EDIL3: variants seen among roughly 807,000 people sequenced by gnomAD.
The protein encoded by EDIL3 is EGF like and discoidin domains 3.
EDIL3 carries 37 observed loss-of-function variants against 67.4 expected under a neutral mutation model. The observed-to-expected ratio is 0.55, with a 90% confidence interval of 0.42 to 0.72. The LOEUF (loss-of-function observed/expected upper bound fraction) is 0.72, where lower values mean the gene tolerates loss of function less well. Ranked by LOEUF, EDIL3 falls within the 30% of genes least tolerant of loss-of-function variation. EDIL3 has a pLI of 0.00. For synonymous variants in EDIL3, 195 were observed against 196.3 expected, an observed-to-expected ratio of 0.99 and a Z score of 0.05; for missense variants, 527 against 586.3, an observed-to-expected ratio of 0.90 and a Z score of 1.04.
chr5:84,359,972 T>C (rs1039983527), intron 1 of EDIL3, among the ~76,000 whole-genome samples: 4 of 152,222 alleles, frequency 2.6e-5, no homozygotes, highest in African/African-American at 9.6e-5. Flanking sequence ...CATTATGGAA[T>C]TAAAAATCTA....
intron 1 of EDIL3, among the ~76,000 whole-genome samples, chr5:84,345,816 T>C (rs376393140): frequency 1.3e-5 from 2 of 152,196 alleles, no homozygotes; most frequent in African/African-American, 4.8e-5. Flanking sequence ...CAAAAAGAAA[T>C]GGATATATTT....
chr5:84,012,805 C>A (rs927766563), intron 9 of EDIL3, among the ~76,000 whole-genome samples: 9 of 151,954 alleles, frequency 5.9e-5, no homozygotes, highest in African/African-American at 2.2e-4. Context: ...CAAAGAAATT[C>A]CAAATCCCTC....
At chr5:83,963,171 T>C in intron 10 of EDIL3, 34 bp downstream of exon 10, 1 of 1,572,452 alleles carries the variant, frequency 6.4e-7, no homozygotes, top group Non-Finnish European at 8.6e-7. Flanking sequence ...GATCCTCCAC[T>C]TCTGAACTTT....
chr5:84,007,783 T>C (rs1299358677), intron 9 of EDIL3, among the ~76,000 whole-genome samples: 1 of 152,040 alleles, frequency 6.6e-6, no homozygotes, highest in Admixed American at 6.6e-5. Flanking sequence ...TTTGTATACA[T>C]ACCAAAAATA....
At position 83,961,487 on chromosome 5, in the gene EDIL3, G is replaced by A. The variant is rs532323060; in HGVS notation, c.1293+1718C>T. On this transcript the variant is annotated intron_variant, in intron 10 of 10. Transcript: ENST00000296591. ...TATGAAATCACTTTTTTACATAAAT[G>A]GAGACAAAAAAGTATCTCAACAGTT... Among the ~76,000 whole-genome samples the A allele has an allele frequency of 2.0e-5, 3 of 151,152 alleles. No homozygotes were observed. In the South Asian group the frequency reaches 6.2e-4, roughly 31 times the overall value.
chr5:84,024,655 C>CCT, intron 9 of EDIL3, among the ~76,000 whole-genome samples: 1 of 152,054 alleles, frequency 6.6e-6, no homozygotes, highest in Admixed American at 6.6e-5. Flanking sequence ...GACTTGGGGT[C>CCT]CAAGTAGAAG....
At chr5:84,200,286 T>C (rs1351034086) in intron 3 of EDIL3, among the ~76,000 whole-genome samples, 3 of 152,042 alleles carry the variant, frequency 2.0e-5, no homozygotes, top group Non-Finnish European at 2.9e-5. Context: ...AGAGTATTAA[T>C]TTATTAATCT....
chr5:84,301,112 A>T (rs980711762), intron 1 of EDIL3, among the ~76,000 whole-genome samples: 10 of 152,166 alleles, frequency 6.6e-5, no homozygotes, highest in Non-Finnish European at 7.3e-5. Flanking sequence ...TCTATTAAAA[A>T]TACAAAATTA....
chr5:84,200,346 G>C (rs1305352053), intron 3 of EDIL3, among the ~76,000 whole-genome samples: 1 of 151,890 alleles, frequency 6.6e-6, no homozygotes. Flanking sequence ...TATATGTAAA[G>C]AGTTTAAGCA....
At chr5:84,082,810 T>C (rs934113728) in intron 6 of EDIL3, among the ~76,000 whole-genome samples, 3 of 89,826 alleles carry the variant, frequency 3.3e-5, no homozygotes, top group African/African-American at 1.2e-4. Context: ...GTTTCTCTTA[T>C]TGAGTTGTTA....
chr5:84,305,432 A>G (rs887498970), intron 1 of EDIL3, among the ~76,000 whole-genome samples: 6 of 152,108 alleles, frequency 3.9e-5, no homozygotes, highest in Non-Finnish European at 8.8e-5. Context: ...TGTTAGTTCT[A>G]TTGTCATTGA....
At chr5:83,977,036 T>C (rs191884269) in intron 9 of EDIL3, among the ~76,000 whole-genome samples, 4 of 151,906 alleles carry the variant, frequency 2.6e-5, no homozygotes, top group Non-Finnish European at 4.4e-5. Context: ...TTAAAATCAG[T>C]GTGAGGAACG....
At chr5:84,245,560 A>G (rs1744891578) in intron 2 of EDIL3, among the ~76,000 whole-genome samples, 1 of 152,216 alleles carries the variant, frequency 6.6e-6, no homozygotes, top group Non-Finnish European at 1.5e-5. Context: ...TTCCTAGAAT[A>G]AAGAAATAGA....
chr5:84,115,715 T>G (rs1464871385), intron 5 of EDIL3, among the ~76,000 whole-genome samples: 1 of 152,204 alleles, frequency 6.6e-6, no homozygotes, highest in Non-Finnish European at 1.5e-5. Context: ...TGATGAAACA[T>G]TTGTCTGTAA....
intron 9 of EDIL3, among the ~76,000 whole-genome samples, chr5:84,000,565 CAA>C (rs895037766): frequency 6.8e-5 from 10 of 146,426 alleles, no homozygotes; most frequent in Non-Finnish European, 1.1e-4. Flanking sequence ...AAAACACCTA[CAA>C]AAAAAAAGAG....
At chr5:83,979,961 G>C (rs947115462) in intron 9 of EDIL3, among the ~76,000 whole-genome samples, 5 of 152,060 alleles carry the variant, frequency 3.3e-5, no homozygotes, top group Admixed American at 2.6e-4. Context: ...ATGTCTTGTA[G>C]GGCAGACTCT....
chr5:84,353,128 A>G (rs1747398341), intron 1 of EDIL3, among the ~76,000 whole-genome samples: 1 of 152,160 alleles, frequency 6.6e-6, no homozygotes, highest in Non-Finnish European at 1.5e-5. Flanking sequence ...ACCCAATCAA[A>G]ATTATAAGCA....
chr5:84,321,391 A>G (rs1746645651), intron 1 of EDIL3, among the ~76,000 whole-genome samples: 1 of 152,184 alleles, frequency 6.6e-6, no homozygotes, highest in South Asian at 2.1e-4. Context: ...TTAGATGCAG[A>G]GCAGCATTCT....
intron 9 of EDIL3, among the ~76,000 whole-genome samples, chr5:84,041,320 T>A (rs1054456677): frequency 1.3e-5 from 2 of 151,890 alleles, no homozygotes; most frequent in African/African-American, 4.8e-5. Context: ...GGGATAAAAT[T>A]TAAGAATCTC....
Sources: allele counts gnomAD v4.1 joint callset (sites outside exome capture counted in the v4.1 genomes callset), GRCh38; gene constraint gnomAD v4.1.1; transcripts MANE v1.5; gene names NCBI Gene and HGNC (gene_info 2026-07-23, HGNC 2026-07-21).